The following DOCK4 variants were observed in gnomAD, a reference collection of about 807,000 sequenced individuals.
DOCK4 encodes the protein dedicator of cytokinesis 4.
In DOCK4, 97 loss-of-function variants were observed where a neutral mutation model predicts 268.1. The observed-to-expected ratio is 0.36, with a 90% CI of 0.31 to 0.43. The LOEUF is 0.43. Among genes scored for constraint, DOCK4 ranks in the 20% least tolerant of loss-of-function variants. The pLI, the probability that DOCK4 is intolerant of heterozygous loss-of-function variation, is 1.00. For missense variants in DOCK4, 2,145 were observed against 2,455.7 expected (o/e 0.87, Z 2.67); for synonymous variants, 954 against 887.2 (o/e 1.08, Z -1.34).
chr7:111,864,924 C>T (rs903981188), intron 22 of DOCK4, among the ~76,000 whole-genome samples: 2 of 152,096 alleles, frequency 1.3e-5, no homozygotes, highest in African/African-American at 4.8e-5. Flanking sequence ...TTCAAAAAGG[C>T]ATCTGAATGT....
At chr7:111,998,822 C>T (rs988758533) in intron 3 of DOCK4, among the ~76,000 whole-genome samples, 10 of 152,086 alleles carry the variant, frequency 6.6e-5, no homozygotes, top group Non-Finnish European at 4.4e-5. Flanking sequence ...CCATGTTATA[C>T]TGAATAAGAG....
At chr7:111,759,179 G>A (rs917209221) in intron 40 of DOCK4, among the ~76,000 whole-genome samples, 4 of 152,120 alleles carry the variant, frequency 2.6e-5, no homozygotes, top group Non-Finnish European at 5.9e-5. Context: ...GTCTGTGCAT[G>A]ACACATTTAA....
At chr7:112,003,270 C>T (rs1349083619) in intron 2 of DOCK4, among the ~76,000 whole-genome samples, 1 of 151,882 alleles carries the variant, frequency 6.6e-6, no homozygotes, top group Non-Finnish European at 1.5e-5. Context: ...TCCCGGTGGT[C>T]CTAGCTACTT....
chr7:111,908,453 A>G (rs1233909607), intron 13 of DOCK4, among the ~76,000 whole-genome samples: 1 of 149,978 alleles, frequency 6.7e-6, no homozygotes, highest in African/African-American at 2.4e-5. Context: ...GTCTCAAAAA[A>G]ATAAATAAAA....
intron 1 of DOCK4, among the ~76,000 whole-genome samples, chr7:112,154,561 A>C (rs1816432393): frequency 2.6e-5 from 4 of 152,176 alleles, no homozygotes; most frequent in Admixed American, 2.6e-4. Context: ...TTGTTGAATC[A>C]GGATGGCAGC....
intron 26 of DOCK4, among the ~76,000 whole-genome samples, chr7:111,824,552 T>C (rs1327645658): frequency 6.6e-6 from 1 of 151,984 alleles, no homozygotes; most frequent in Non-Finnish European, 1.5e-5. Context: ...GCACTCTTAG[T>C]GGTAGTGGTG....
intron 34 of DOCK4, 34 bp downstream of exon 34, chr7:111,783,823 A>T: frequency 6.5e-7 from 1 of 1,544,440 alleles, no homozygotes; most frequent in Non-Finnish European, 8.8e-7. Flanking sequence ...TTCAGCATGA[A>T]CTGGAGTTCA....
At chr7:111,747,554 A>G (rs1796356751) in intron 42 of DOCK4, 111 bp from the exon 43 acceptor site, 3 of 1,068,340 alleles carry the variant, frequency 2.8e-6, no homozygotes, top group Non-Finnish European at 1.3e-6. Context: ...GCTTCCATCA[A>G]TATCTCTACC....
intron 30 of DOCK4, chr7:111,808,415 G>C (rs1800832159): frequency 5.8e-6 from 1 of 173,218 alleles, no homozygotes; most frequent in Admixed American, 5.6e-5. Context: ...GTTTTTAAGA[G>C]TAGTGACGTT....
At chr7:112,148,967 A>T (rs545357481) in intron 1 of DOCK4, among the ~76,000 whole-genome samples, 1 of 152,340 alleles carries the variant, frequency 6.6e-6, no homozygotes, top group East Asian at 1.9e-4. Flanking sequence ...TCTGGAACTC[A>T]GGTGAAGTCT....
At chr7:111,983,811 G>C (rs1244104950) in intron 7 of DOCK4, among the ~76,000 whole-genome samples, 1 of 146,742 alleles carries the variant, frequency 6.8e-6, no homozygotes, top group Non-Finnish European at 1.5e-5. Flanking sequence ...TCAGTAGTTG[G>C]TGTATATAGT....
chr7:112,150,006 G>A (rs1379852310), intron 1 of DOCK4, among the ~76,000 whole-genome samples: 4 of 152,260 alleles, frequency 2.6e-5, no homozygotes, highest in Admixed American at 6.5e-5. Context: ...CTGTCTTATC[G>A]AATCCTTCCA....
intron 30 of DOCK4, among the ~76,000 whole-genome samples, chr7:111,798,860 G>C (rs1800078384): frequency 6.6e-6 from 1 of 152,168 alleles, no homozygotes; most frequent in Non-Finnish European, 1.5e-5. Flanking sequence ...GTTGCCATTT[G>C]AAAGGAAAGA....
chr7:111,909,940 T>A (rs1220273884), intron 13 of DOCK4, among the ~76,000 whole-genome samples: 6 of 145,712 alleles, frequency 4.1e-5, no homozygotes, highest in African/African-American at 1.5e-4. Context: ...CCAGCCTGAG[T>A]AACAGATGGA....
chr7:112,155,981 C>A (rs1251913073), intron 1 of DOCK4, among the ~76,000 whole-genome samples: 1 of 152,014 alleles, frequency 6.6e-6, no homozygotes, highest in Non-Finnish European at 1.5e-5. Flanking sequence ...ATGTGGACAG[C>A]AAAATTCTAG....
At chr7:111,910,117 T>C (rs1182180182) in intron 13 of DOCK4, among the ~76,000 whole-genome samples, 1 of 151,838 alleles carries the variant, frequency 6.6e-6, no homozygotes. Context: ...TCTAAAGAAA[T>C]AGGGTACAGG....
intron 51 of DOCK4, among the ~76,000 whole-genome samples, chr7:111,732,981 T>C (rs1470820801): frequency 1.3e-5 from 2 of 152,248 alleles, no homozygotes; most frequent in African/African-American, 4.8e-5. Flanking sequence ...GCATGTGTGA[T>C]AGCACTGTTC....
In DOCK4 at chr7:112,107,073, G is replaced by C. The variant is rs145869782; in HGVS notation, c.37+99029C>G. Among the ~76,000 whole-genome samples, 314 of 152,302 alleles carry C rather than the reference G, an allele frequency of 2.1e-3. 1 individual carries two copies. The highest frequency in any genetic ancestry group is 6.9e-3 in the African/African-American group (286 of 41,540). On this transcript the variant is annotated intron_variant, in intron 1 of 52. Transcript: ENST00000428084. The stretch of plus-strand genomic sequence containing the variant: ...TCAAAATTAACTTCAGATATTCAGA[G>C]ACTATTTATTATGTATGGGCATTAT...
intron 23 of DOCK4, among the ~76,000 whole-genome samples, chr7:111,858,564 G>A (rs559047218): frequency 2.0e-5 from 3 of 152,266 alleles, no homozygotes; most frequent in East Asian, 1.9e-4. Context: ...GATGGTCTTC[G>A]AGCTAGGACA....
Sources: gnomAD v4.1 joint callset for allele counts (sites outside exome capture counted in the v4.1 genomes callset) on GRCh38, gnomAD v4.1.1 for gene constraint, MANE v1.5 for transcripts, NCBI Gene and HGNC (gene_info 2026-07-23, HGNC 2026-07-21) for gene names.